The following POLR1B variants were observed in gnomAD, a reference collection of about 807,000 sequenced individuals.
POLR1B encodes RNA polymerase I subunit B.
POLR1B carries 30 observed loss-of-function variants against 105.8 expected under a neutral mutation model. The observed-to-expected ratio is 0.28, with a 90% CI of 0.21 to 0.38. POLR1B has a LOEUF of 0.38. Ranked by LOEUF, POLR1B falls within the 10% of genes least tolerant of loss-of-function variation. The pLI, the probability that POLR1B is intolerant of heterozygous loss-of-function variation, is 1.00. For missense variants in POLR1B, 976 were observed against 1,435.8 expected (o/e 0.68, Z 5.17); for synonymous variants, 485 against 505.1 (o/e 0.96, Z 0.53).
In POLR1B at chr2:112,579,107, C is replaced by T. The variant is rs1284634738; in HGVS notation, c.*3378C>T. 2.1e-5 allele frequency among the ~76,000 whole-genome samples: 3 copies of T among 145,520 alleles called. No homozygotes were observed. The highest frequency in any genetic ancestry group is 4.5e-5 in the Non-Finnish European group (3 of 67,028). ...CCTGTAATCCCAGCTACTCAGGAGGCTGAGACAGGAGAATCACTTGAACCC... is the reference window on the plus strand; with the variant it reads ...CCTGTAATCCCAGCTACTCAGGAGGTTGAGACAGGAGAATCACTTGAACCC... On this transcript the variant is annotated 3_prime_UTR_variant, in exon 15 of 15. Transcript: ENST00000263331.
intron 3 of POLR1B, among the ~76,000 whole-genome samples, chr2:112,548,907 C>T (rs1683211905): frequency 1.3e-5 from 2 of 152,090 alleles, no homozygotes; most frequent in African/African-American, 2.4e-5. Flanking sequence ...CCACCGCGCC[C>T]GGCCCAGTTT....
chr2:112,551,956 C>T lies in POLR1B; in HGVS notation c.944C>T (p.Pro315Leu), dbSNP rs1408445310. 1 of 1,614,200 alleles carries T rather than the reference C, an allele frequency of 6.2e-7. No individual in the cohort carries two copies. The highest frequency in any genetic ancestry group is 1.1e-5 in the South Asian group (1 of 91,086). ...GECFRVKLNVPDWYPNEQAAE... is the reference protein window; with the variant it reads ...GECFRVKLNVLDWYPNEQAAE... The stretch of plus-strand genomic sequence containing the variant: ...TGCTTCAGAGTAAAACTCAATGTTC[C>T]TGACTGGTACCCAAATGAGCAAGCT... Residue 315 changes from proline to leucine, a missense_variant, in exon 6 of 15, where the codon CCT (proline) becomes CTT (leucine). By Grantham distance (98) the Pro-to-Leu change is moderately conservative (BLOSUM62 -3). This residue lies in a region of POLR1B where 452 missense variants were observed against 616.5 expected (regional missense o/e 0.73). Transcript: ENST00000263331.
chr2:112,550,313 A>G (rs1270390599), intron 4 of POLR1B, among the ~76,000 whole-genome samples: 1 of 152,236 alleles, frequency 6.6e-6, no homozygotes, highest in African/African-American at 2.4e-5. Context: ...TGCCTAAGAC[A>G]GCATGTTGTA....
At chr2:112,546,977 A>G in intron 1 of POLR1B, 35 bp from the exon 2 acceptor site, 1 of 1,605,852 alleles carries the variant, frequency 6.2e-7, no homozygotes, top group Non-Finnish European at 8.5e-7. Flanking sequence ...TGCCTTGGAA[A>G]TGCAAGCAAT....
At chr2:112,551,091 A>G in intron 5 of POLR1B, 89 bp downstream of exon 5, 2 of 1,302,814 alleles carry the variant, frequency 1.5e-6, no homozygotes, top group Non-Finnish European at 2.2e-6. Flanking sequence ...CCTTGTTAAA[A>G]TAATACTGTA....
chr2:112,566,432 G>GGTTA (rs1684276776), intron 10 of POLR1B, among the ~76,000 whole-genome samples: 1 of 152,234 alleles, frequency 6.6e-6, no homozygotes, highest in South Asian at 2.1e-4. Flanking sequence ...TTACTGTGAT[G>GGTTA]GTTACCACAT....
rs996182054 is a variant in POLR1B, at chr2:112,568,857, T to G, written c.2029T>G (p.Ser677Ala). 6.2e-7 allele frequency: 1 copy of G among 1,614,056 alleles called. No homozygotes were observed. Among genetic ancestry groups the G allele is most frequent in the Non-Finnish European group, 8.5e-7 (1 of 1,180,036 alleles). ...LSVIANFIPF[S>A]DHNQSPRNMY... ...TGTGATTGCCAACTTCATCCCTTTC[T>G]CTGATCACAACCAGAGTCCACGGAA... is the stretch of plus-strand genomic sequence containing the variant. The change falls in exon 12 of 15, where the codon TCT becomes GCT. Residue 677 changes from serine (S) to alanine (A), a missense_variant. Ser to Ala is a moderately conservative substitution (Grantham distance 99, BLOSUM62 1). Around this residue, in one of 12 missense-constraint regions of POLR1B, gnomAD observed 3 missense variants for 26.2 expected, o/e 0.11. Coordinates refer to ENST00000263331, the MANE Select transcript of POLR1B (RefSeq NM_019014.6).
At chr2:112,545,736 ATCAAGT>A (rs1291593560) in intron 1 of POLR1B, 47 of 237,346 alleles carry the variant, frequency 2.0e-4, no homozygotes, top group African/African-American at 1.1e-3. Context: ...ACCTTCCAGG[ATCAAGT>A]GATCCTCCCA....
intron 10 of POLR1B, among the ~76,000 whole-genome samples, chr2:112,567,743 G>A (rs931956997): frequency 1.3e-5 from 2 of 152,266 alleles, no homozygotes; most frequent in Admixed American, 1.3e-4. Flanking sequence ...TTAGATCACA[G>A]AGGACAGAAT....
At chr2:112,563,044 C>CTTTCTTTTTTTTT (rs1039349287) in intron 9 of POLR1B, among the ~76,000 whole-genome samples, 2 of 140,550 alleles carry the variant, frequency 1.4e-5, no homozygotes, top group Admixed American at 7.2e-5. Context: ...GTGACAATTT[C>CTTTCTTTTTTTTT]TTTCTTTTTT....
Position 112,574,958 on chromosome 2 carries a change from C to G in POLR1B, c.2637C>G (p.Ile879Met), listed in dbSNP as rs377301934. The G allele has an allele frequency of 6.2e-7, 1 of 1,614,076 alleles. No individual in the cohort carries two copies. ...TGAGAGTGCCTCGGAACCCAACTAT[C>G]GGAGATAAATTTGCCAGTCGCCATG... The part of the protein sequence containing the change: ...ITMRVPRNPT[I>M]GDKFASRHGQ... Residue 879 changes from isoleucine to methionine, a missense_variant, in exon 15 of 15, where the codon ATC (isoleucine) becomes ATG (methionine). Transcript: ENST00000263331.
chr2:112,557,746 C>A (rs998193094), intron 7 of POLR1B, among the ~76,000 whole-genome samples, 164 bp from the exon 8 acceptor site: 1 of 151,786 alleles, frequency 6.6e-6, no homozygotes, highest in Non-Finnish European at 1.5e-5. Context: ...CACCCCACCC[C>A]CTCTGGCTAA....
At chr2:112,554,008 A>G (rs1371368025) in intron 7 of POLR1B, among the ~76,000 whole-genome samples, 1 of 152,152 alleles carries the variant, frequency 6.6e-6, no homozygotes, top group South Asian at 2.1e-4. Flanking sequence ...ATATATTTTT[A>G]GTAGAGGTGG....
chr2:112,549,528 G>A, intron 4 of POLR1B, 129 bp downstream of exon 4: 1 of 726,688 alleles, frequency 1.4e-6, no homozygotes, highest in Non-Finnish European at 2.0e-6. Context: ...GTAGGGATGG[G>A]GTTTCACCAC....
rs1684968041 is a variant in POLR1B, at chr2:112,578,599, T to A, written c.*2870T>A. 6.6e-6 allele frequency among the ~76,000 whole-genome samples: 1 copy of A among 152,174 alleles called. No individual in the cohort carries two copies. The highest frequency in any genetic ancestry group is 2.4e-5 in the African/African-American group (1 of 41,444). ...ATTCACCTTGAACATTTTGGTTGTT[T>A]CCAGTTTGGGGGCATTAACAATAAA... is the stretch of plus-strand genomic sequence containing the variant. On this transcript the variant is annotated 3_prime_UTR_variant, in exon 15 of 15. Coordinates refer to ENST00000263331, the MANE Select transcript of POLR1B (RefSeq NM_019014.6).
chr2:112,553,358 G>A (rs1185558911), intron 7 of POLR1B: 3 of 152,120 alleles, frequency 2.0e-5, no homozygotes, highest in Non-Finnish European at 2.9e-5. Context: ...CTTCTTATTG[G>A]TGACTTTTTT....
At chr2:112,561,555 G>C (rs1426316772) in intron 9 of POLR1B, among the ~76,000 whole-genome samples, 11 of 152,018 alleles carry the variant, frequency 7.2e-5, no homozygotes, top group Admixed American at 7.2e-4. Context: ...TTGTGCCTAG[G>C]GGAAATACAG....
chr2:112,561,464 CT>C (rs11362371), intron 9 of POLR1B, among the ~76,000 whole-genome samples: 117,670 of 149,806 alleles, frequency 0.79, 46,216 homozygotes, highest in Middle Eastern at 0.87. Context: ...GAAGAGTGTT[CT>C]TTTTTTTTTT....
chr2:112,573,503 G>A, intron 13 of POLR1B, 59 bp from the exon 14 acceptor site: 2 of 1,554,130 alleles, frequency 1.3e-6, no homozygotes, highest in Middle Eastern at 3.5e-4. Context: ...GTCCCACCTA[G>A]TTTTATTTTG....
Sources: gnomAD v4.1 joint callset for allele counts (sites outside exome capture counted in the v4.1 genomes callset) on GRCh38, gnomAD v4.1.1 for gene constraint, gnomAD v4.1.1 regional missense constraint, MANE v1.5 for transcripts, NCBI Gene and HGNC (gene_info 2026-07-23, HGNC 2026-07-21) for gene names.